VSIG10L2: variants seen among roughly 807,000 people sequenced by gnomAD.
The protein encoded by VSIG10L2 is V-set and immunoglobulin domain containing 10 like 2.
Under a neutral mutation model 67.1 loss-of-function variants are expected in VSIG10L2, and 56 were observed. That is an observed-to-expected ratio of 0.83 (90% CI 0.67 to 1.04). The LOEUF (loss-of-function observed/expected upper bound fraction) is 1.04. Among genes scored for constraint, VSIG10L2 ranks in the 50% least tolerant of loss-of-function variants. The pLI, the probability that VSIG10L2 is intolerant of heterozygous loss-of-function variation, is 0.00. For missense variants in VSIG10L2, 843 were observed against 932.8 expected (o/e 0.90, Z 1.25); for synonymous variants, 360 against 396.6 (o/e 0.91, Z 1.10).
chr11:125,947,323 T>G, intron 1 of VSIG10L2: 1 of 596,406 alleles, frequency 1.7e-6, no homozygotes, highest in Non-Finnish European at 2.1e-6. Flanking sequence ...GTTACAAATA[T>G]GGATTCCTGG....
chr11:125,950,218 T>C lies in VSIG10L2; in HGVS notation c.914T>C (p.Leu305Pro), dbSNP rs372867680. 3.5e-5 allele frequency: 43 copies of C among 1,232,514 alleles called. No homozygotes were observed. In the East Asian group the frequency reaches 4.1e-4, roughly 12 times the overall value. 76.3% of individuals were successfully genotyped at this position (1,232,514 alleles called of 1,614,324 possible). ...IARAGRVHTG[L>P]YTCLARNSYL... is the part of the protein sequence containing the mutation. Reference sequence around the variant, plus strand: ...AGAGCTGGCCGTGTCCACACAGGCCTGTACACCTGCCTGGCCCGCAACAGC... The same window carrying C: ...AGAGCTGGCCGTGTCCACACAGGCCCGTACACCTGCCTGGCCCGCAACAGC... The change falls in exon 4 of 12, where the codon CTG (leucine) becomes CCG (proline). Residue 305 changes from leucine to proline, a missense_variant. Physicochemically the swap from Leu to Pro is moderately conservative, Grantham distance 98. Transcript: ENST00000686984.
intron 3 of VSIG10L2, among the ~76,000 whole-genome samples, chr11:125,948,994 T>C (rs575651695): frequency 6.6e-6 from 1 of 152,184 alleles, no homozygotes; most frequent in Non-Finnish European, 1.5e-5. Context: ...GGGTGAAAGA[T>C]GAAGGCCAGG....
chr11:125,953,967 C>A (rs1945414414), intron 7 of VSIG10L2, 120 bp from the exon 8 acceptor site: 7 of 904,894 alleles, frequency 7.7e-6, no homozygotes, highest in Non-Finnish European at 2.9e-6. Flanking sequence ...GGTCCACAGA[C>A]CCCAATCCAG....
intron 4 of VSIG10L2, 110 bp from the exon 5 acceptor site, chr11:125,950,800 G>A: frequency 9.4e-7 from 1 of 1,058,766 alleles, no homozygotes; most frequent in Non-Finnish European, 1.2e-6. Context: ...ACTTCTCCCT[G>A]CTCCCCTACC....
chr11:125,950,001 C>G lies in VSIG10L2; in HGVS notation c.710-13C>G. 1 of 1,232,446 alleles carries G rather than the reference C, an allele frequency of 8.1e-7. No individual in the cohort carries two copies. Among genetic ancestry groups the G allele is most frequent in the Non-Finnish European group, 1.0e-6 (1 of 988,220 alleles). 76.3% of individuals were successfully genotyped at this position (1,232,446 alleles called of 1,614,324 possible). On this transcript the variant is annotated splice_polypyrimidine_tract_variant and intron_variant, in intron 3 of 11. Transcript: ENST00000686984. ...AAGCTGGGGAGGTGTAACTGGCCTT[C>G]CTTGCTCTCCAGATGGTCCTGACAA...
chr11:125,946,870 G>A lies in VSIG10L2; in HGVS notation c.82+733G>A, dbSNP rs1945308484. Among the ~76,000 whole-genome samples, 2 of 152,184 alleles carry A rather than the reference G, an allele frequency of 1.3e-5. No individual in the cohort carries two copies. The highest frequency in any genetic ancestry group is 1.9e-4 in the East Asian group (1 of 5,190). On this transcript the variant is annotated intron_variant, in intron 1 of 11. Transcript: ENST00000686984. This position sits in a 1 kb window ranked among gnomAD's most constrained non-coding sequence, Gnocchi z 4.4. The stretch of plus-strand genomic sequence containing the variant: ...CTTACTTTCATGCAAATTTGCTGAG[G>A]TCCTCAGCACTTCATGGCATGAGGC...
Position 125,951,089 on chromosome 11 carries a change from G to A in VSIG10L2, c.1165G>A (p.Gly389Ser). Residue 389 changes from glycine (G) to serine (S), a missense_variant, in exon 5 of 12, where the codon GGC becomes AGC. Gly to Ser is a moderately conservative substitution (Grantham distance 56). Coordinates refer to ENST00000686984, the MANE Select transcript of VSIG10L2 (RefSeq NM_001365077.2). ...WSHAAAQLPS[G>S]SVFTCTGQHP... ...TCACGCAGCCGCCCAGCTCCCCAGTGGCAGCGTCTTCACCTGCACTGGCCA... is the reference window on the plus strand; with the variant it reads ...TCACGCAGCCGCCCAGCTCCCCAGTAGCAGCGTCTTCACCTGCACTGGCCA... 3.2e-6 allele frequency: 4 copies of A among 1,232,744 alleles called. No homozygotes were observed. Among genetic ancestry groups the A allele is most frequent in the South Asian group, 8.2e-5 (2 of 24,326 alleles). The allele number at this position is 1,232,744 out of a possible 1,614,324, so 76.4% of individuals were successfully genotyped here. A position where few individuals can be genotyped will look rare whatever the true frequency, so the allele number is the denominator to read the frequency against.
intron 3 of VSIG10L2, among the ~76,000 whole-genome samples, chr11:125,948,945 G>C (rs1945329643): frequency 6.6e-6 from 1 of 152,246 alleles, no homozygotes; most frequent in South Asian, 2.1e-4. Context: ...ACAGTGGGAG[G>C]AGAGGGCAGC....
intron 3 of VSIG10L2, among the ~76,000 whole-genome samples, chr11:125,949,733 TG>T (rs1279684704): frequency 2.0e-5 from 3 of 152,082 alleles, no homozygotes; most frequent in Non-Finnish European, 2.9e-5. Flanking sequence ...TGGGAAGCAT[TG>T]GTCCCCTACC....
At position 125,952,193 on chromosome 11, in the gene VSIG10L2, G is replaced by C; in HGVS notation, c.1495+120G>C. 2.3e-6 allele frequency: 3 copies of C among 1,320,596 alleles called. No individual in the cohort carries two copies. The South Asian group carries it at 4.8e-5, about 21-fold the overall frequency. The allele number at this position is 1,320,596 out of a possible 1,614,324, so 81.8% of individuals were successfully genotyped here. ...GCATGGAAAGTGAGTCAGTGCGGAC[G>C]GGGAAGCTAGGAGGTAGTTAGGAGC... On this transcript the variant is annotated intron_variant, in intron 6 of 11. Transcript: ENST00000686984.
chr11:125,949,380 G>T (rs1208569526), intron 3 of VSIG10L2, among the ~76,000 whole-genome samples: 3 of 152,188 alleles, frequency 2.0e-5, no homozygotes, highest in African/African-American at 7.2e-5. Flanking sequence ...GTTTTAAGGA[G>T]CGAGGACGAA....
rs1591528060 is a variant in VSIG10L2, at chr11:125,946,603, T to C, written c.82+466T>C. ...CCCAGGCTGGAGTGCAGTGGTGTGA[T>C]CTCGGCTCACTGCAACCTCTGCCTC... On this transcript the variant is annotated intron_variant, in intron 1 of 11. Transcript: ENST00000686984. This position sits in a 1 kb window ranked among gnomAD's most constrained non-coding sequence, Gnocchi z 4.4. 6.6e-6 allele frequency among the ~76,000 whole-genome samples: 1 copy of C among 150,974 alleles called. No individual in the cohort carries two copies. The highest frequency in any genetic ancestry group is 2.4e-5 in the African/African-American group (1 of 41,036).
At chr11:125,954,714 G>A (rs1270464447) in intron 8 of VSIG10L2, among the ~76,000 whole-genome samples, 1 of 152,160 alleles carries the variant, frequency 6.6e-6, no homozygotes, top group Non-Finnish European at 1.5e-5. Context: ...GCTACAAGCA[G>A]GCTCTCAGCT....
rs1216347855 is a variant in VSIG10L2, at chr11:125,947,804, G to C, written c.201G>C (p.Trp67Cys). The stretch of plus-strand genomic sequence containing the variant: ...GGCCTGCCCCGCTGCTGGTCCTCTG[G>C]AGCTTCACCCCCCTGGGCTCCCTGG... ...GSGPAPLLVL[W>C]SFTPLGSLVP... The change falls in exon 2 of 12, where the codon TGG becomes TGC. Residue 67 changes from tryptophan (W) to cysteine (C), a missense_variant. Physicochemically the swap from Trp to Cys is radical, Grantham distance 215. This residue lies in a region of VSIG10L2 where 446 missense variants were observed against 548.4 expected (regional missense o/e 0.81). Transcript: ENST00000686984. 8.1e-7 allele frequency: 1 copy of C among 1,232,624 alleles called. No individual in the cohort carries two copies. The highest frequency in any genetic ancestry group is 4.1e-5 in the South Asian group (1 of 24,330). 76.4% of individuals were successfully genotyped at this position (1,232,624 alleles called of 1,614,324 possible). A position where few individuals can be genotyped will look rare whatever the true frequency, so the allele number is the denominator to read the frequency against.
chr11:125,949,423 G>A (rs1159633465), intron 3 of VSIG10L2, among the ~76,000 whole-genome samples: 2 of 152,216 alleles, frequency 1.3e-5, no homozygotes, highest in Non-Finnish European at 2.9e-5. Context: ...CACCGTGGCG[G>A]TTTGTGGAAA....
intron 3 of VSIG10L2, among the ~76,000 whole-genome samples, chr11:125,949,678 A>G (rs1945339668): frequency 6.6e-6 from 1 of 152,180 alleles, no homozygotes; most frequent in Non-Finnish European, 1.5e-5. Context: ...TGCAGTCTAC[A>G]GTGGCCGAAT....
chr11:125,950,028 C>G lies in VSIG10L2; in HGVS notation c.724C>G (p.Pro242Ala). 1 of 1,232,352 alleles carries G rather than the reference C, an allele frequency of 8.1e-7. No individual in the cohort carries two copies. Among genetic ancestry groups the G allele is most frequent in the Non-Finnish European group, 1.0e-6 (1 of 988,114 alleles). 76.3% of individuals were successfully genotyped at this position (1,232,352 alleles called of 1,614,324 possible). Residue 242 changes from proline (P) to alanine (A), a missense_variant, in exon 4 of 12, where the codon CCT becomes GCT. Physicochemically the swap from Pro to Ala is conservative, Grantham distance 27. Coordinates refer to ENST00000686984, the MANE Select transcript of VSIG10L2 (RefSeq NM_001365077.2). ...FLDVIYGPDK[P>A]VITMEPLGLT... ...TTGCTCTCCAGATGGTCCTGACAAGCCTGTGATCACCATGGAGCCGCTGGG... is the reference window on the plus strand; with the variant it reads ...TTGCTCTCCAGATGGTCCTGACAAGGCTGTGATCACCATGGAGCCGCTGGG...
intron 7 of VSIG10L2, 132 bp from the exon 8 acceptor site, chr11:125,953,955 C>T: frequency 8.8e-6 from 7 of 796,790 alleles, no homozygotes; most frequent in Non-Finnish European, 1.2e-5. Flanking sequence ...CAGGGCTTCT[C>T]AGGTCCACAG....
intron 9 of VSIG10L2, 75 bp downstream of exon 9, chr11:125,955,254 T>G (rs1056842792): frequency 1.5e-6 from 2 of 1,309,722 alleles, no homozygotes; most frequent in Non-Finnish European, 1.9e-6. Context: ...AAAGGAGAGA[T>G]GCAGCACTCC....
Sources: gnomAD v4.1 joint callset for allele counts (sites outside exome capture counted in the v4.1 genomes callset) on GRCh38, gnomAD v4.1.1 for gene constraint, gnomAD v4.1.1 regional missense constraint, Gnocchi (gnomAD v3.1) non-coding constraint, MANE v1.5 for transcripts, NCBI Gene and HGNC (gene_info 2026-07-23, HGNC 2026-07-21) for gene names.